The following BROX variants were observed in gnomAD, a reference collection of about 807,000 sequenced individuals.
BROX encodes the protein BRO1 domain and CAAX motif containing, also known as BRO1 domain-containing protein BROX.
Under a neutral mutation model 61.0 loss-of-function variants are expected in BROX, and 53 were observed. The ratio of observed to expected loss-of-function variants is 0.87; its 90% CI spans 0.70 to 1.09. BROX has a LOEUF of 1.09. BROX is among the 50% of genes least tolerant of loss of function. BROX has a pLI of 0.00. For missense variants in BROX, 489 were observed against 472.0 expected (o/e 1.04, Z -0.33); for synonymous variants, 152 against 160.2 (o/e 0.95, Z 0.38).
chr1:222,724,837 C>T (rs957150650), intron 6 of BROX, among the ~76,000 whole-genome samples: 3 of 152,094 alleles, frequency 2.0e-5, no homozygotes, highest in African/African-American at 4.8e-5. Flanking sequence ...CACTGTCGCC[C>T]GGGCTGGAGT....
rs1300504404 is a variant in BROX at position 222,732,612 on chromosome 1, G to T, written c.1150-16G>T. ...TCTTAGTTTATGTACTTAAACTGTG[G>T]TTTTTTTCTCCCTAGACTAAACCCA... On this transcript the variant is annotated splice_polypyrimidine_tract_variant and intron_variant, in intron 12 of 12. Transcript: ENST00000340934. The T allele has an allele frequency of 1.9e-6, 3 of 1,592,912 alleles. No individual in the cohort carries two copies. Among genetic ancestry groups the T allele is most frequent in the Non-Finnish European group, 2.6e-6 (3 of 1,166,444 alleles).
Position 222,732,661 on chromosome 1 carries a change from G to A in BROX, c.1183G>A (p.Val395Met), listed in dbSNP as rs757881890. Residue 395 changes from valine (V) to methionine (M), a missense_variant, in exon 13 of 13, where the codon GTG (valine) becomes ATG (methionine). Physicochemically the swap from Val to Met is conservative, Grantham distance 21. Transcript: ENST00000340934. ...CAAACCAGAAGAAGAAGTGAAACCT[G>A]TGAAAGAACCAGACATCAAACCTCA... ...KPKPEEEVKP[V>M]KEPDIKPQKD... 6.2e-7 allele frequency: 1 copy of A among 1,613,702 alleles called. No homozygotes were observed. The highest frequency in any genetic ancestry group is 2.2e-5 in the East Asian group (1 of 44,780).
At position 222,734,615 on chromosome 1, in the gene BROX, A is replaced by G. The variant is rs1023222923; in HGVS notation, c.*1901A>G. 24 of 152,212 alleles carry G rather than the reference A, an allele frequency of 1.6e-4. No individual in the cohort carries two copies. The highest frequency in any genetic ancestry group is 6.2e-4 in the South Asian group (3 of 4,836). The allele number at this position is 152,212 out of a possible 1,614,324, so 9.4% of individuals were successfully genotyped here. A position where few individuals can be genotyped will look rare whatever the true frequency, so the allele number is the denominator to read the frequency against. On this transcript the variant is annotated 3_prime_UTR_variant, in exon 13 of 13. Transcript: ENST00000340934. ...GACATTTAATTTTATTTCAATATCTATGGAAAAAACACTTATTAAATCTCC... is the reference window on the plus strand; with the variant it reads ...GACATTTAATTTTATTTCAATATCTGTGGAAAAAACACTTATTAAATCTCC...
chr1:222,716,777 T>A (rs149969472), intron 2 of BROX, among the ~76,000 whole-genome samples: 34 of 152,344 alleles, frequency 2.2e-4, no homozygotes, highest in African/African-American at 8.2e-4. Context: ...TATTCTTGAT[T>A]TAGATTGTCA....
intron 8 of BROX, 26 bp downstream of exon 8, chr1:222,727,283 T>C: frequency 6.7e-7 from 1 of 1,500,680 alleles, no homozygotes; most frequent in Non-Finnish European, 9.3e-7. Flanking sequence ...TGTCGTTACA[T>C]TTTTAGTCTT....
chr1:222,727,662 C>T (rs886390908), intron 8 of BROX, among the ~76,000 whole-genome samples: 4 of 152,154 alleles, frequency 2.6e-5, no homozygotes, highest in African/African-American at 9.7e-5. Context: ...ATTTAGGAAA[C>T]ATGCATGTGT....
At chr1:222,730,982 G>A (rs1657892612) in intron 11 of BROX, among the ~76,000 whole-genome samples, 1 of 151,984 alleles carries the variant, frequency 6.6e-6, no homozygotes, top group Admixed American at 6.6e-5. Context: ...GTGTAGGTGG[G>A]TAGACTCAAT....
At position 222,733,823 on chromosome 1, in the gene BROX, A is replaced by G. The variant is rs1658121671; in HGVS notation, c.*1109A>G. ...ATATATAAGAGAAGACAGAATGGAA[A>G]ATGTTTTTTGAAGTCAAATATTGCA... On this transcript the variant is annotated 3_prime_UTR_variant, in exon 13 of 13. Transcript: ENST00000340934. The G allele has an allele frequency of 1.3e-5, 2 of 152,234 alleles. No homozygotes were observed. Among genetic ancestry groups the G allele is most frequent in the African/African-American group, 4.8e-5 (2 of 41,454 alleles). The allele number at this position is 152,234 out of a possible 1,614,324, so 9.4% of individuals were successfully genotyped here.
rs1196825087 is a variant in BROX, at chr1:222,735,085, A to G, written c.*2371A>G. The G allele has an allele frequency of 6.6e-6, 1 of 152,246 alleles. No individual in the cohort carries two copies. The allele number at this position is 152,246 out of a possible 1,614,324, so 9.4% of individuals were successfully genotyped here. ...GGTGTAACTGTTTGTTAACTATTACATGGATTTCATACTAGGCAGTGACAA... is the reference window on the plus strand; with the variant it reads ...GGTGTAACTGTTTGTTAACTATTACGTGGATTTCATACTAGGCAGTGACAA... On this transcript the variant is annotated 3_prime_UTR_variant, in exon 13 of 13. Transcript: ENST00000340934.
At chr1:222,713,141 C>G in intron 1 of BROX, 199 bp downstream of exon 1, 1 of 981,614 alleles carries the variant, frequency 1.0e-6, no homozygotes, top group East Asian at 1.1e-4. Context: ...GCATTAACAG[C>G]TAGATCCGCT....
At chr1:222,722,369 G>A (rs1320619789) in intron 4 of BROX, 50 bp from the exon 5 acceptor site, 1 of 1,445,602 alleles carries the variant, frequency 6.9e-7, no homozygotes, top group Non-Finnish European at 9.7e-7. Flanking sequence ...GCTTCATGGT[G>A]TGATGTCTGG....
chr1:222,716,365 C>T (rs542638750), intron 2 of BROX, among the ~76,000 whole-genome samples: 3 of 152,202 alleles, frequency 2.0e-5, no homozygotes, highest in African/African-American at 7.2e-5. Flanking sequence ...TCCCAAAGTG[C>T]TGGGATTACA....
rs1442445609 is a variant in BROX at position 222,720,282 on chromosome 1, C to T, written c.305+923C>T. 2.6e-5 allele frequency among the ~76,000 whole-genome samples: 4 copies of T among 152,122 alleles called. No individual in the cohort carries two copies. The South Asian group carries it at 6.2e-4, about 24-fold the overall frequency. On this transcript the variant is annotated intron_variant, in intron 4 of 12. Coordinates refer to ENST00000340934, the MANE Select transcript of BROX (RefSeq NM_144695.4). ...AAATGTTCATTTCCTTTCTTCCTTC[C>T]TTGGCAATATTTTATGTCGAATTCA...
Position 222,722,486 on chromosome 1 carries a change from T to C in BROX, c.373T>C (p.Tyr125His). ...TAATGTAGCTTTATGGTATACCAAA[T>C]ATGCTTCAAGACTGGCTGGAAAAGA... ...GFNVALWYTKYASRLAGKENI... is the reference protein window; with the variant it reads ...GFNVALWYTKHASRLAGKENI... Residue 125 changes from tyrosine (Y) to histidine (H), a missense_variant, in exon 5 of 13, where the codon TAT becomes CAT. By Grantham distance (83) the Tyr-to-His change is moderately conservative (BLOSUM62 2). Transcript: ENST00000340934. 1.2e-6 allele frequency: 2 copies of C among 1,613,064 alleles called. No individual in the cohort carries two copies. Among genetic ancestry groups the C allele is most frequent in the Non-Finnish European group, 1.7e-6 (2 of 1,179,114 alleles).
rs546837560 is a variant in BROX, at chr1:222,715,933, ATTAT to A, written c.101+137_101+140del. The A allele has an allele frequency of 2.5e-3, 1,456 of 572,646 alleles. 5 individuals are homozygous for A. The highest frequency in any genetic ancestry group is 1.9e-3 in the Non-Finnish European group (608 of 326,240). 35.5% of individuals were successfully genotyped at this position (572,646 alleles called of 1,614,324 possible). A position where few individuals can be genotyped will look rare whatever the true frequency, so the allele number is the denominator to read the frequency against. Reference sequence around the variant, plus strand: ...ATGACATTTAAGAGTTAAATCATAGATTATTTAAATTTGGCAGTCTTCTACGCCT... The same window carrying A: ...ATGACATTTAAGAGTTAAATCATAGATTAAATTTGGCAGTCTTCTACGCCT... On this transcript the variant is annotated intron_variant, in intron 2 of 12. Coordinates refer to ENST00000340934, the MANE Select transcript of BROX (RefSeq NM_144695.4).
rs1656239971 is a variant in BROX at position 222,713,450 on chromosome 1, T to TG, written c.-17+513dup. On this transcript the variant is annotated intron_variant, in intron 1 of 12. Coordinates refer to ENST00000340934, the MANE Select transcript of BROX (RefSeq NM_144695.4). Reference sequence around the variant, plus strand: ...CTCTGGGGACTCGGGGCTTCCGGGGTGGGGGTCCCTTGTTAGGAGCGGGAG... The same window carrying TG: ...CTCTGGGGACTCGGGGCTTCCGGGGTGGGGGGTCCCTTGTTAGGAGCGGGAG... 2.2e-5 allele frequency: 22 copies of TG among 979,448 alleles called. 1 individual carries two copies. The highest frequency in any genetic ancestry group is 1.3e-4 in the African/African-American group (7 of 55,280). The allele number at this position is 979,448 out of a possible 1,614,324, so 60.7% of individuals were successfully genotyped here. A position where few individuals can be genotyped will look rare whatever the true frequency, so the allele number is the denominator to read the frequency against.
At chr1:222,728,499 A>C (rs974972497) in intron 8 of BROX, among the ~76,000 whole-genome samples, 1 of 152,116 alleles carries the variant, frequency 6.6e-6, no homozygotes, top group East Asian at 1.9e-4. Context: ...TTTTATCATT[A>C]TCTTTAACTT....
Position 222,718,922 on chromosome 1 carries a change from A to C in BROX, c.102-3A>C. The stretch of plus-strand genomic sequence containing the variant: ...TTTACTGTCTTTTTGTATCTCTTAT[A>C]AGTGACTTGAGGTCATCCAGGGCAC... On this transcript the variant is annotated splice_polypyrimidine_tract_variant and splice_region_variant and intron_variant, in intron 2 of 12. Transcript: ENST00000340934. 1.2e-6 allele frequency: 2 copies of C among 1,611,690 alleles called. No homozygotes were observed. The highest frequency in any genetic ancestry group is 1.7e-6 in the Non-Finnish European group (2 of 1,178,204).
chr1:222,715,128 G>T (rs2124991819), intron 1 of BROX: 1 of 152,306 alleles, frequency 6.6e-6, no homozygotes, highest in Non-Finnish European at 1.5e-5. Flanking sequence ...CTGGTCCTGT[G>T]CCCTTTTTAC....
Sources: allele counts gnomAD v4.1 joint callset (sites outside exome capture counted in the v4.1 genomes callset), GRCh38; gene constraint gnomAD v4.1.1; transcripts MANE v1.5; gene names NCBI Gene and HGNC (gene_info 2026-07-23, HGNC 2026-07-21).